The following KIRREL3 variants were observed in gnomAD, a reference collection of about 807,000 sequenced individuals.
KIRREL3 encodes the protein kirre like nephrin family adhesion molecule 3.
KIRREL3 carries 36 observed loss-of-function variants against 89.7 expected under a neutral mutation model. That is an observed-to-expected ratio of 0.40 (90% CI 0.31 to 0.53). The LOEUF (loss-of-function observed/expected upper bound fraction) is 0.53, where lower values mean the gene tolerates loss of function less well. KIRREL3 is among the 20% of genes least tolerant of loss of function. KIRREL3 has a pLI of 0.49. For synonymous variants in KIRREL3, 445 were observed against 441.4 expected (o/e 1.01, Z -0.10); for missense variants, 864 against 1,056.6 (o/e 0.82, Z 2.53).
intron 1 of KIRREL3, chr11:126,944,833 T>G (rs1271896136): frequency 6.6e-6 from 1 of 152,196 alleles, no homozygotes; most frequent in Non-Finnish European, 1.5e-5. Flanking sequence ...TAGCTTTCAT[T>G]TGGGTAACAG....
intron 4 of KIRREL3, among the ~76,000 whole-genome samples, chr11:126,483,344 T>C (rs1169151682): frequency 6.6e-6 from 1 of 152,268 alleles, no homozygotes; most frequent in Non-Finnish European, 1.5e-5. Context: ...AAACTTTGGT[T>C]AAATACATCT....
At chr11:126,670,599 T>C (rs1945893099) in intron 1 of KIRREL3, among the ~76,000 whole-genome samples, 1 of 152,224 alleles carries the variant, frequency 6.6e-6, no homozygotes, top group African/African-American at 2.4e-5. Context: ...TATAGCAAGA[T>C]TGTAGGATAC....
rs1947695180 is a variant in KIRREL3, at chr11:126,709,985, A to AGTTACTGT, written c.56-147074_56-147073insACAGTAAC. ...TCTGCATTCATTATCACTAATCCTT[A>AGTTACTGT]CACATGCCCTGCCAGGAAGTTACTG... On this transcript the variant is annotated intron_variant, in intron 1 of 16. Coordinates refer to ENST00000525144, the MANE Select transcript of KIRREL3 (RefSeq NM_032531.4). The surrounding 1 kb of genome is among the most constrained non-coding windows in gnomAD (Gnocchi z 4.0). 1.3e-5 allele frequency among the ~76,000 whole-genome samples: 2 copies of AGTTACTGT among 152,186 alleles called. No homozygotes were observed. Among genetic ancestry groups the AGTTACTGT allele is most frequent in the Non-Finnish European group, 2.9e-5 (2 of 68,022 alleles).
chr11:126,545,707 G>A (rs1241445448), intron 2 of KIRREL3, among the ~76,000 whole-genome samples: 1 of 152,218 alleles, frequency 6.6e-6, no homozygotes, highest in East Asian at 1.9e-4. Flanking sequence ...AAGGAAGGGA[G>A]CAGGGTTGGA....
intron 4 of KIRREL3, among the ~76,000 whole-genome samples, chr11:126,494,849 G>A (rs1463886198): frequency 2.0e-5 from 3 of 152,230 alleles, no homozygotes; most frequent in South Asian, 2.1e-4. Context: ...AGACAGAGAC[G>A]GGCAGCCACT....
intron 1 of KIRREL3, among the ~76,000 whole-genome samples, chr11:126,737,741 G>A (rs930435185): frequency 1.3e-5 from 2 of 152,028 alleles, no homozygotes; most frequent in Non-Finnish European, 2.9e-5. Context: ...AATTATTATA[G>A]GCACCTAATA....
rs775649951 is a variant in KIRREL3 at position 126,620,156 on chromosome 11, C to T, written c.56-57244G>A. Among the ~76,000 whole-genome samples the T allele has an allele frequency of 6.6e-6, 1 of 151,784 alleles. No homozygotes were observed. Among genetic ancestry groups the T allele is most frequent in the Non-Finnish European group, 1.5e-5 (1 of 67,956 alleles). ...TAACACTTGACCAAAAACCAAACAA[C>T]AAAAACAAGGCTACTTTCTTCCTTC... is the stretch of plus-strand genomic sequence containing the variant. On this transcript the variant is annotated intron_variant, in intron 1 of 16. Coordinates refer to ENST00000525144, the MANE Select transcript of KIRREL3 (RefSeq NM_032531.4). The surrounding 1 kb of genome is among the most constrained non-coding windows in gnomAD (Gnocchi z 4.8).
rs550526011 is a variant in KIRREL3, at chr11:126,683,807, G to A, written c.56-120895C>T. On this transcript the variant is annotated intron_variant, in intron 1 of 16. Transcript: ENST00000525144. This position sits in a 1 kb window ranked among gnomAD's most constrained non-coding sequence, Gnocchi z 5.2. ...CCTCCTCTCTCTTGGGATGCAAACT[G>A]CTTATGTGGTAGAAACAGGAAGCCG... 3.0e-4 allele frequency among the ~76,000 whole-genome samples: 46 copies of A among 152,320 alleles called. No homozygotes were observed. The highest frequency in any genetic ancestry group is 1.1e-3 in the African/African-American group (44 of 41,572).
In KIRREL3 at chr11:126,769,752, G is replaced by A. The variant is rs1168693720; in HGVS notation, c.56-206840C>T. ...TTCCAGGGGCAAGGTGGAGGGTGCAGTGGTTTCCAGCTGGGGTTCTGGAAT... is the reference window on the plus strand; with the variant it reads ...TTCCAGGGGCAAGGTGGAGGGTGCAATGGTTTCCAGCTGGGGTTCTGGAAT... On this transcript the variant is annotated intron_variant, in intron 1 of 16. Coordinates refer to ENST00000525144, the MANE Select transcript of KIRREL3 (RefSeq NM_032531.4). The surrounding 1 kb of genome is among the most constrained non-coding windows in gnomAD (Gnocchi z 4.3). Among the ~76,000 whole-genome samples, 1 of 152,216 alleles carries A rather than the reference G, an allele frequency of 6.6e-6. No homozygotes were observed. The highest frequency in any genetic ancestry group is 2.4e-5 in the African/African-American group (1 of 41,456).
Position 126,791,934 on chromosome 11 carries a change from A to G in KIRREL3, c.55+208521T>C, listed in dbSNP as rs1950655344. On this transcript the variant is annotated intron_variant, in intron 1 of 16. Transcript: ENST00000525144. The surrounding 1 kb of genome is among the most constrained non-coding windows in gnomAD (Gnocchi z 4.8). ...TTAGAGGGAAGGCGGGGCTGCTTTC[A>G]AAGAAAAACAGGTGAAATTCATTGG... Among the ~76,000 whole-genome samples the G allele has an allele frequency of 6.9e-6, 1 of 145,884 alleles. No homozygotes were observed. The highest frequency in any genetic ancestry group is 2.8e-5 in the African/African-American group (1 of 35,436).
At position 126,860,966 on chromosome 11, in the gene KIRREL3, C is replaced by A. The variant is rs78930628; in HGVS notation, c.55+139489G>T. Among the ~76,000 whole-genome samples the A allele has an allele frequency of 6.6e-6, 1 of 152,196 alleles. No individual in the cohort carries two copies. Among genetic ancestry groups the A allele is most frequent in the Admixed American group, 6.5e-5 (1 of 15,286 alleles). The stretch of plus-strand genomic sequence containing the variant: ...TGGTGCTACCAGAGGCAAACAAATT[C>A]TCCCTCCTTTGTGCCCTCCTGCTTT... On this transcript the variant is annotated intron_variant, in intron 1 of 16. Transcript: ENST00000525144. This position sits in a 1 kb window ranked among gnomAD's most constrained non-coding sequence, Gnocchi z 4.6.
At chr11:126,934,062 ATAC>A (rs1320502918) in intron 1 of KIRREL3, among the ~76,000 whole-genome samples, 2 of 152,194 alleles carry the variant, frequency 1.3e-5, no homozygotes, top group African/African-American at 2.4e-5. Flanking sequence ...GTTTTAAAAC[ATAC>A]TACAAAGTTA....
At chr11:126,711,592 A>G (rs116849673) in intron 1 of KIRREL3, among the ~76,000 whole-genome samples, 6,496 of 152,278 alleles carry the variant, frequency 0.043, 321 homozygotes, top group Admixed American at 0.16. Context: ...AACAAAAAAT[A>G]ATTTATTACA....
At chr11:126,554,470 C>T (rs1488541661) in intron 2 of KIRREL3, among the ~76,000 whole-genome samples, 1 of 152,224 alleles carries the variant, frequency 6.6e-6, no homozygotes, top group Non-Finnish European at 1.5e-5. Flanking sequence ...GGATGAATCA[C>T]ATCCCTTTCC....
At chr11:126,654,479 G>C (rs1945043172) in intron 1 of KIRREL3, among the ~76,000 whole-genome samples, 1 of 152,098 alleles carries the variant, frequency 6.6e-6, no homozygotes, top group Non-Finnish European at 1.5e-5. Context: ...GGCCTTTCTG[G>C]GAAGACCTCT....
chr11:126,457,479 TTATA>T (rs1222100560), intron 6 of KIRREL3, among the ~76,000 whole-genome samples: 36 of 150,662 alleles, frequency 2.4e-4, no homozygotes, highest in African/African-American at 8.8e-4. Flanking sequence ...GTGTGTATGC[TTATA>T]TGTATGTATG....
rs200284552 is a variant in KIRREL3, at chr11:126,484,828, TTTC to T, written c.434-11365_434-11363del. ...TGCAAATGGGATTTTTTTTTTTTTT[TTTC>T]TGAGACGGAGTCTCGCTCTTGTCAC... On this transcript the variant is annotated intron_variant, in intron 4 of 16. Coordinates refer to ENST00000525144, the MANE Select transcript of KIRREL3 (RefSeq NM_032531.4). The surrounding 1 kb of genome is among the most constrained non-coding windows in gnomAD (Gnocchi z 5.2). Among the ~76,000 whole-genome samples the T allele has an allele frequency of 0.013, 2,007 of 151,736 alleles. 40 individuals carry two copies. The highest frequency in any genetic ancestry group is 0.043 in the African/African-American group (1,786 of 41,178).
At chr11:126,847,538 G>A (rs1296171896) in intron 1 of KIRREL3, among the ~76,000 whole-genome samples, 6 of 152,086 alleles carry the variant, frequency 3.9e-5, no homozygotes, top group Non-Finnish European at 8.8e-5. Context: ...TGGAGATTGT[G>A]ACACTAGAAT....
intron 1 of KIRREL3, among the ~76,000 whole-genome samples, chr11:126,893,449 C>T (rs1007464576): frequency 6.6e-6 from 1 of 152,146 alleles, no homozygotes; most frequent in African/African-American, 2.4e-5. Flanking sequence ...ATTTGGTATG[C>T]GTGGGGATGC....
Sources: allele counts gnomAD v4.1 joint callset (sites outside exome capture counted in the v4.1 genomes callset), GRCh38; gene constraint gnomAD v4.1.1; non-coding constraint Gnocchi (gnomAD v3.1); transcripts MANE v1.5; gene names NCBI Gene and HGNC (gene_info 2026-07-23, HGNC 2026-07-21).